CSRNP3: variants seen among roughly 807,000 people sequenced by gnomAD.
CSRNP3 encodes cysteine and serine rich nuclear protein 3, also known as cysteine/serine-rich nuclear protein 3.
A neutral mutation model predicts 48.0 loss-of-function variants in CSRNP3; 12 were observed. The ratio of observed to expected loss-of-function variants is 0.25; its 90% CI spans 0.16 to 0.41. The LOEUF is 0.41. CSRNP3 is among the 10% of genes least tolerant of loss of function. The pLI is 1.00. For synonymous variants in CSRNP3, 263 were observed against 269.7 expected (o/e 0.98, Z 0.24); for missense variants, 580 against 724.4 (o/e 0.80, Z 2.29).
chr2:165,543,997 TTATA>T (rs61375051), intron 3 of CSRNP3, among the ~76,000 whole-genome samples: 4 of 150,542 alleles, frequency 2.7e-5, no homozygotes, highest in African/African-American at 9.8e-5. Flanking sequence ...TTTGTATATT[TTATA>T]TATATATATA....
At chr2:165,511,808 A>T (rs6723887) in intron 2 of CSRNP3, among the ~76,000 whole-genome samples, 1 of 152,006 alleles carries the variant, frequency 6.6e-6, no homozygotes, top group African/African-American at 2.4e-5. Context: ...GTGGTCATAT[A>T]CCAAAAGTTA....
intron 3 of CSRNP3, among the ~76,000 whole-genome samples, chr2:165,526,188 A>C (rs892847364): frequency 2.6e-5 from 4 of 152,150 alleles, no homozygotes; most frequent in Non-Finnish European, 5.9e-5. Context: ...TTCTTTTACA[A>C]AATTGCTTTG....
intron 5 of CSRNP3, among the ~76,000 whole-genome samples, chr2:165,675,396 G>T (rs1249219698): frequency 1.3e-5 from 2 of 151,900 alleles, no homozygotes; most frequent in South Asian, 2.1e-4. Context: ...TGCTCCTCAG[G>T]GTAGATATCT....
chr2:165,597,620 T>C (rs1372306209), intron 4 of CSRNP3, among the ~76,000 whole-genome samples: 2 of 152,076 alleles, frequency 1.3e-5, no homozygotes, highest in African/African-American at 4.8e-5. Flanking sequence ...GATGTAAAAG[T>C]ATTAAACTTA....
chr2:165,662,027 G>A (rs1338126646), intron 5 of CSRNP3, among the ~76,000 whole-genome samples: 1 of 151,562 alleles, frequency 6.6e-6, no homozygotes, highest in African/African-American at 2.4e-5. Flanking sequence ...TTTATATAAT[G>A]GCACCTCTCA....
Position 165,597,356 on chromosome 2 carries a change from A to C in CSRNP3, c.148+2143A>C, listed in dbSNP as rs73972110. Among the ~76,000 whole-genome samples the C allele has an allele frequency of 2.3e-3, 347 of 152,334 alleles. 1 individual carries two copies. Among genetic ancestry groups the C allele is most frequent in the African/African-American group, 8.0e-3 (331 of 41,580 alleles). Reference sequence around the variant, plus strand: ...GTTATATATGAAAATTTTATATATAAGAAGAAAACATTATAAGATAATGAG... The same window carrying C: ...GTTATATATGAAAATTTTATATATACGAAGAAAACATTATAAGATAATGAG... On this transcript the variant is annotated intron_variant, in intron 4 of 6. Coordinates refer to ENST00000651982, the MANE Select transcript of CSRNP3 (RefSeq NM_001172173.2).
chr2:165,644,792 A>G (rs1686784539), intron 4 of CSRNP3, among the ~76,000 whole-genome samples: 1 of 152,210 alleles, frequency 6.6e-6, no homozygotes, highest in Admixed American at 6.5e-5. Context: ...TAATTCTTCT[A>G]TCCATAGTTT....
chr2:165,679,508 T>A lies in CSRNP3; in HGVS notation c.1513T>A (p.Ser505Thr). 6.8e-6 allele frequency: 11 copies of A among 1,613,612 alleles called. No individual in the cohort carries two copies. The highest frequency in any genetic ancestry group is 1.1e-5 in the South Asian group (1 of 91,044). The change falls in exon 7 of 7, where the codon TCC (serine) becomes ACC (threonine). Residue 505 changes from serine to threonine, a missense_variant. Physicochemically the swap from Ser to Thr is moderately conservative, Grantham distance 58 (BLOSUM62 1). Around this residue, in one of 4 missense-constraint regions of CSRNP3, gnomAD observed 369 missense variants for 380.8 expected, o/e 0.97. Transcript: ENST00000651982. Reference sequence around the variant, plus strand: ...CAACCCCTCTGTAATCGTTTGCTGCTCCTCTTCCGAAAATGATAGCGGTGT... The same window carrying A: ...CAACCCCTCTGTAATCGTTTGCTGCACCTCTTCCGAAAATGATAGCGGTGT... The part of the protein sequence containing the change: ...AANPSVIVCC[S>T]SSENDSGVPC...
At chr2:165,578,881 A>C (rs947257256) in intron 3 of CSRNP3, among the ~76,000 whole-genome samples, 1 of 152,140 alleles carries the variant, frequency 6.6e-6, no homozygotes, top group Non-Finnish European at 1.5e-5. Flanking sequence ...TACACAATGT[A>C]CTCTGACATT....
chr2:165,675,555 A>C (rs1331183031), intron 5 of CSRNP3, among the ~76,000 whole-genome samples: 2 of 152,210 alleles, frequency 1.3e-5, no homozygotes, highest in African/African-American at 4.8e-5. Context: ...AAGCAGACTA[A>C]TCATGTGTAT....
chr2:165,668,510 C>T (rs1418731700), intron 5 of CSRNP3, among the ~76,000 whole-genome samples: 1 of 150,804 alleles, frequency 6.6e-6, no homozygotes, highest in East Asian at 2.0e-4. Context: ...CAAGCAATTC[C>T]CTTGCCTCAG....
intron 3 of CSRNP3, among the ~76,000 whole-genome samples, chr2:165,534,243 T>A (rs180818616): frequency 1.1e-3 from 166 of 152,160 alleles, no homozygotes; most frequent in Non-Finnish European, 2.0e-3. Flanking sequence ...TTACTAAAAT[T>A]AAATTTGCTG....
At chr2:165,614,780 AT>A (rs1253851784) in intron 4 of CSRNP3, among the ~76,000 whole-genome samples, 3 of 152,166 alleles carry the variant, frequency 2.0e-5, no homozygotes, top group Non-Finnish European at 4.4e-5. Flanking sequence ...TTTCAATAAC[AT>A]TTTTTAAACT....
At chr2:165,661,393 C>T (rs1687094430) in intron 5 of CSRNP3, among the ~76,000 whole-genome samples, 1 of 152,106 alleles carries the variant, frequency 6.6e-6, no homozygotes, top group Non-Finnish European at 1.5e-5. Flanking sequence ...ATTGGCCTAC[C>T]GGAGAGGAAG....
At position 165,676,404 on chromosome 2, in the gene CSRNP3, G is replaced by A; in HGVS notation, c.501G>A (p.Glu167=). The A allele has an allele frequency of 1.2e-6, 2 of 1,613,978 alleles. No individual in the cohort carries two copies. The highest frequency in any genetic ancestry group is 2.2e-5 in the South Asian group (2 of 91,082). Residue 167 remains glutamate, a synonymous_variant, in exon 6 of 7, where the codon GAG becomes GAA. Coordinates refer to ENST00000651982, the MANE Select transcript of CSRNP3 (RefSeq NM_001172173.2). ...SDDDIDLDNT[E]VDEYFFLQPL... is the part of the protein sequence containing the mutation. ...ATGACATTGACCTGGACAACACAGA[G>A]GTAGATGAGTACTTCTTCCTACAAC...
chr2:165,659,550 C>A (rs1204961418), intron 5 of CSRNP3, among the ~76,000 whole-genome samples: 2 of 152,028 alleles, frequency 1.3e-5, no homozygotes, highest in East Asian at 3.9e-4. Context: ...AGGAAGGTAT[C>A]CAAGTGGAAA....
intron 3 of CSRNP3, among the ~76,000 whole-genome samples, chr2:165,550,135 G>A (rs1574833230): frequency 1.3e-5 from 2 of 152,114 alleles, no homozygotes; most frequent in Non-Finnish European, 2.9e-5. Context: ...CATTGTTAAT[G>A]ATTTGAGGAC....
intron 5 of CSRNP3, among the ~76,000 whole-genome samples, chr2:165,658,813 C>G (rs1296980854): frequency 1.3e-5 from 2 of 152,106 alleles, no homozygotes; most frequent in African/African-American, 4.8e-5. Flanking sequence ...TATGGGGGAA[C>G]TGCACCCATG....
intron 4 of CSRNP3, among the ~76,000 whole-genome samples, chr2:165,636,409 C>A (rs1359485111): frequency 6.6e-6 from 1 of 152,118 alleles, no homozygotes; most frequent in Non-Finnish European, 1.5e-5. Flanking sequence ...TTTCAGAGGC[C>A]TGTATATGAG....
Sources: allele counts gnomAD v4.1 joint callset (sites outside exome capture counted in the v4.1 genomes callset), GRCh38; gene constraint gnomAD v4.1.1; regional missense constraint gnomAD v4.1.1; transcripts MANE v1.5; gene names NCBI Gene and HGNC (gene_info 2026-07-23, HGNC 2026-07-21).